CFI: variants seen among roughly 807,000 people sequenced by gnomAD.
CFI encodes complement factor I, also known as C3B/C4B inactivator.
Under a neutral mutation model 78.8 loss-of-function variants are expected in CFI, and 66 were observed. The ratio of observed to expected loss-of-function variants is 0.84; its 90% CI spans 0.69 to 1.03. The LOEUF is 1.03. Ranked by LOEUF, CFI falls within the 50% of genes least tolerant of loss-of-function variation. CFI has a pLI of 0.00. For synonymous variants in CFI, 250 were observed against 232.6 expected (o/e 1.07, Z -0.68); for missense variants, 706 against 704.5 (o/e 1.00, Z -0.02).
intron 1 of CFI, among the ~76,000 whole-genome samples, chr4:109,784,667 C>T (rs945492429): frequency 2.6e-5 from 4 of 152,164 alleles, no homozygotes; most frequent in African/African-American, 9.6e-5. Flanking sequence ...TAATGAAAAG[C>T]TAATCAGATA....
At chr4:109,780,074 C>T (rs1729805144) in intron 1 of CFI, among the ~76,000 whole-genome samples, 1 of 152,140 alleles carries the variant, frequency 6.6e-6, no homozygotes, top group South Asian at 2.1e-4. Context: ...CCATTCAGGC[C>T]ATAGGCATGG....
At chr4:109,735,155 G>C in the CFI span, among the ~76,000 whole-genome samples, 1 of 152,140 alleles carries the variant, frequency 6.6e-6, no homozygotes, top group Non-Finnish European at 1.5e-5. Flanking sequence ...GGGTCTCCCT[G>C]TGTTGCCCAG....
intron 1 of CFI, among the ~76,000 whole-genome samples, chr4:109,784,585 C>T (rs1479791141): frequency 6.6e-6 from 1 of 151,814 alleles, no homozygotes; most frequent in East Asian, 1.9e-4. Context: ...CAATGAAAAA[C>T]AAAAAATGTC....
At chr4:109,739,312 A>G (rs1723569191), downstream of CFI, among the ~76,000 whole-genome samples, 1 of 151,874 alleles carries the variant, frequency 6.6e-6, no homozygotes, top group Non-Finnish European at 1.5e-5. Flanking sequence ...ATGTTTATTC[A>G]CTGAGCAGCC....
chr4:109,748,939 C>G (rs1724799795), intron 10 of CFI, among the ~76,000 whole-genome samples: 1 of 152,206 alleles, frequency 6.6e-6, no homozygotes. Context: ...TACCTACCCA[C>G]TCTCCCACTT....
In CFI at chr4:109,766,633, T is replaced by C. The variant is rs1727790680; in HGVS notation, c.249A>G (p.Pro83=). 6.2e-7 allele frequency: 1 copy of C among 1,614,234 alleles called. No homozygotes were observed. The highest frequency in any genetic ancestry group is 1.3e-5 in the African/African-American group (1 of 75,048). ...CCAAACTCTTTTGTTGACAGTATGT[T>C]GGGAAGCTTCTCCTGTTAGTTGCAC... ...AVCATNRRSF[P]TYCQQKSLEC... is the part of the protein sequence containing the mutation. Residue 83 remains proline (P), a synonymous_variant, in exon 2 of 13, where the codon CCA becomes CCG. Transcript: ENST00000394634.
chr4:109,778,179 T>C (rs1488022617), intron 1 of CFI, among the ~76,000 whole-genome samples: 1 of 151,964 alleles, frequency 6.6e-6, no homozygotes, highest in Admixed American at 6.6e-5. Context: ...CTTCAAAAAA[T>C]CAATGAATCC....
chr4:109,734,435 G>A, the CFI span, among the ~76,000 whole-genome samples: 20 of 152,296 alleles, frequency 1.3e-4, no homozygotes, highest in African/African-American at 4.8e-4. Flanking sequence ...GGGGTTATTG[G>A]TGAACTTCAC....
intron 7 of CFI, among the ~76,000 whole-genome samples, chr4:109,756,913 GAAAGAAAGAAAGAAAGAAA>G (rs1726290257): frequency 2.0e-5 from 2 of 101,940 alleles, no homozygotes; most frequent in Non-Finnish European, 4.1e-5. Flanking sequence ...AAGAAAGAAA[GAAAGAAAGAAAGAAAGAAA>G]GAAAGAAAGA....
intron 3 of CFI, chr4:109,761,929 C>G: frequency 6.3e-6 from 3 of 472,938 alleles, no homozygotes; most frequent in South Asian, 6.3e-5. Context: ...GTGGCTCACG[C>G]CTGTAATCCC....
At chr4:109,764,299 C>T in intron 3 of CFI, 1 of 560,796 alleles carries the variant, frequency 1.8e-6, no homozygotes, top group Non-Finnish European at 3.2e-6. Flanking sequence ...CTCAGAATCA[C>T]TAAAGGATTC....
At chr4:109,769,369 T>A (rs777640413) in intron 1 of CFI, among the ~76,000 whole-genome samples, 8 of 152,192 alleles carry the variant, frequency 5.3e-5, no homozygotes, top group Non-Finnish European at 1.0e-4. Flanking sequence ...CTGACCTTCA[T>A]GTCAGATGAA....
intron 1 of CFI, among the ~76,000 whole-genome samples, chr4:109,798,783 T>C (rs1452677266): frequency 6.6e-6 from 1 of 151,670 alleles, no homozygotes; most frequent in East Asian, 1.9e-4. Flanking sequence ...TCTAAACTAC[T>C]TTTGGCAAGT....
intron 1 of CFI, among the ~76,000 whole-genome samples, chr4:109,787,004 C>G (rs1730831412): frequency 6.6e-6 from 1 of 151,958 alleles, no homozygotes; most frequent in South Asian, 2.1e-4. Context: ...CTCTGAATAG[C>G]TAGGAGAAGA....
rs543843970 is a variant in CFI at position 109,778,275 on chromosome 4, G to A, written c.58-11451C>T. On this transcript the variant is annotated intron_variant, in intron 1 of 12. Coordinates refer to ENST00000394634, the MANE Select transcript of CFI (RefSeq NM_000204.5). ...AAGAAAAGAGAAGAATCAAATAGAT[G>A]CAATAAAAAATGATAAAGGGGATAT... Among the ~76,000 whole-genome samples, 1,153 of 152,054 alleles carry A rather than the reference G, an allele frequency of 7.6e-3. 10 individuals are homozygous for A. Among genetic ancestry groups the A allele is most frequent in the African/African-American group, 0.026 (1,083 of 41,518 alleles).
At chr4:109,757,690 TA>T in intron 7 of CFI, 72 bp downstream of exon 7, 2 of 1,008,574 alleles carry the variant, frequency 2.0e-6, no homozygotes, top group South Asian at 1.4e-5. Flanking sequence ...ACAGTTACAT[TA>T]AAATATAAGA....
chr4:109,771,953 G>A (rs1044252882), intron 1 of CFI, among the ~76,000 whole-genome samples: 1 of 152,138 alleles, frequency 6.6e-6, no homozygotes, highest in Admixed American at 6.6e-5. Context: ...ACAAGGTTGA[G>A]GAGGGGATAG....
intron 1 of CFI, among the ~76,000 whole-genome samples, chr4:109,798,518 T>A (rs200720615): frequency 1.7e-5 from 1 of 59,318 alleles, no homozygotes; most frequent in African/African-American, 3.6e-5. Context: ...GTTTTTTTTT[T>A]TTAAAAAGAC....
chr4:109,747,443 C>T (rs570310769), intron 10 of CFI, among the ~76,000 whole-genome samples: 5 of 152,262 alleles, frequency 3.3e-5, no homozygotes, highest in African/African-American at 1.2e-4. Flanking sequence ...AGGCGTGAGC[C>T]ACCGCACCTG....
Sources: allele counts gnomAD v4.1 joint callset (sites outside exome capture counted in the v4.1 genomes callset), GRCh38; gene constraint gnomAD v4.1.1; transcripts MANE v1.5; gene names NCBI Gene and HGNC (gene_info 2026-07-23, HGNC 2026-07-21).